RELN: variants seen among roughly 807,000 people sequenced by gnomAD.
The protein encoded by RELN is reelin.
RELN carries 108 observed loss-of-function variants against 427.6 expected under a neutral mutation model. That is an observed-to-expected ratio of 0.25 (90% confidence interval 0.22 to 0.30). RELN has a LOEUF of 0.30. Among genes scored for constraint, RELN ranks in the 10% least tolerant of loss-of-function variants. RELN has a pLI of 1.00. For synonymous variants in RELN, 1,524 were observed against 1,513.4 expected (o/e 1.01, Z -0.16); for missense variants, 3,715 against 4,302.8 (o/e 0.86, Z 3.82).
intron 9 of RELN, among the ~76,000 whole-genome samples, chr7:103,699,588 A>G (rs1834049276): frequency 2.0e-5 from 3 of 152,254 alleles, no homozygotes; most frequent in East Asian, 1.9e-4. Context: ...CATCATATCA[A>G]AAACATGTAG....
chr7:103,489,655 C>T (rs1033797334), intron 60 of RELN, 87 bp downstream of exon 60: 21 of 1,472,048 alleles, frequency 1.4e-5, no homozygotes, highest in African/African-American at 1.3e-4. Flanking sequence ...AGTTTCTATC[C>T]ATTTCCTAGT....
chr7:103,696,569 G>C (rs1365031867), intron 10 of RELN, among the ~76,000 whole-genome samples: 2 of 152,070 alleles, frequency 1.3e-5, no homozygotes, highest in Non-Finnish European at 1.5e-5. Flanking sequence ...CCTTGTCCCT[G>C]ACATCTATCA....
At chr7:103,796,474 G>A (rs571468563) in intron 3 of RELN, among the ~76,000 whole-genome samples, 1 of 152,138 alleles carries the variant, frequency 6.6e-6, no homozygotes, top group Non-Finnish European at 1.5e-5. Flanking sequence ...ATTTGTTGTA[G>A]TGAGAAGAAT....
intron 46 of RELN, among the ~76,000 whole-genome samples, chr7:103,525,555 TA>T (rs1829804782): frequency 6.6e-6 from 1 of 152,208 alleles, no homozygotes; most frequent in South Asian, 2.1e-4. Flanking sequence ...GCTGATAAAT[TA>T]TTTTTAATGA....
chr7:103,695,306 T>G (rs1833954822), intron 10 of RELN, among the ~76,000 whole-genome samples: 1 of 152,182 alleles, frequency 6.6e-6, no homozygotes, highest in South Asian at 2.1e-4. Context: ...TGAATGCATT[T>G]ATTTGAAGTT....
At chr7:103,822,602 A>G (rs1369946061) in intron 3 of RELN, among the ~76,000 whole-genome samples, 2 of 152,068 alleles carry the variant, frequency 1.3e-5, no homozygotes, top group Non-Finnish European at 2.9e-5. Flanking sequence ...TCATTCATCT[A>G]TTCAACAACC....
chr7:103,988,591 CTGAA>C lies in RELN; in HGVS notation c.226+536_226+539del, dbSNP rs1797150449. Among the ~76,000 whole-genome samples, 1 of 152,178 alleles carries C rather than the reference CTGAA, an allele frequency of 6.6e-6. No homozygotes were observed. The highest frequency in any genetic ancestry group is 2.1e-4 in the South Asian group (1 of 4,830). On this transcript the variant is annotated intron_variant, in intron 1 of 64. Coordinates refer to ENST00000428762, the MANE Select transcript of RELN (RefSeq NM_005045.4). The surrounding 1 kb of genome is among the most constrained non-coding windows in gnomAD (Gnocchi z 4.9). Reference sequence around the variant, plus strand: ...TCCCTTTCAGGAGGGCTGTATGACACTGAATGAAATGCCAGGGACTCCTGGCTGG... The same window carrying C: ...TCCCTTTCAGGAGGGCTGTATGACACTGAAATGCCAGGGACTCCTGGCTGG...
chr7:103,846,318 C>A (rs1793676180), intron 2 of RELN, among the ~76,000 whole-genome samples: 1 of 151,938 alleles, frequency 6.6e-6, no homozygotes, highest in Non-Finnish European at 1.5e-5. Flanking sequence ...CTGACAGAAA[C>A]AATGGGGAAA....
chr7:103,984,403 G>T (rs150391158), intron 1 of RELN, among the ~76,000 whole-genome samples: 2,356 of 152,120 alleles, frequency 0.015, 49 homozygotes, highest in African/African-American at 0.054. Flanking sequence ...TTAAAACAAA[G>T]ATTCACACAA....
intron 11 of RELN, among the ~76,000 whole-genome samples, chr7:103,663,438 CT>C (rs1833188136): frequency 6.6e-6 from 1 of 152,166 alleles, no homozygotes; most frequent in Non-Finnish European, 1.5e-5. Flanking sequence ...CCTGTCCTCA[CT>C]TTCCTCTGCT....
chr7:103,937,773 TA>T, intron 1 of RELN, among the ~76,000 whole-genome samples: 1 of 152,298 alleles, frequency 6.6e-6, no homozygotes, highest in African/African-American at 2.4e-5. Flanking sequence ...ACAAATATGT[TA>T]AAATGGTCTC....
chr7:103,559,823 A>C (rs1830604051), intron 36 of RELN, among the ~76,000 whole-genome samples: 1 of 152,226 alleles, frequency 6.6e-6, no homozygotes, highest in Non-Finnish European at 1.5e-5. Flanking sequence ...GTAATGAAAA[A>C]GCTTTGAGAT....
intron 11 of RELN, among the ~76,000 whole-genome samples, chr7:103,676,245 T>A (rs1302581655): frequency 5.5e-4 from 84 of 152,218 alleles, no homozygotes; most frequent in African/African-American, 2.0e-3. Context: ...GAACAGACAC[T>A]TCTCAAAAGA....
At chr7:103,725,750 G>A (rs569788789) in intron 7 of RELN, among the ~76,000 whole-genome samples, 2 of 152,130 alleles carry the variant, frequency 1.3e-5, no homozygotes, top group South Asian at 2.1e-4. Context: ...CTGAAATACA[G>A]AGACTTCACT....
intron 6 of RELN, among the ~76,000 whole-genome samples, chr7:103,731,655 C>A (rs1360682856): frequency 2.6e-5 from 4 of 151,950 alleles, no homozygotes; most frequent in Non-Finnish European, 5.9e-5. Flanking sequence ...ATTACTATAG[C>A]AAATTATGGG....
intron 34 of RELN, among the ~76,000 whole-genome samples, 180 bp from the exon 35 acceptor site, chr7:103,562,133 C>T (rs918231101): frequency 6.6e-6 from 1 of 152,150 alleles, no homozygotes; most frequent in Non-Finnish European, 1.5e-5. Flanking sequence ...TTTCTCTTGA[C>T]TCATAAACAG....
At chr7:103,670,509 T>G (rs1833367999) in intron 11 of RELN, among the ~76,000 whole-genome samples, 1 of 149,062 alleles carries the variant, frequency 6.7e-6, no homozygotes. Flanking sequence ...TGAAGTATAA[T>G]ATGCAAAATG....
Position 103,682,361 on chromosome 7 carries a change from T to G in RELN, c.1144-100A>C, listed in dbSNP as rs1028659463. The G allele has an allele frequency of 3.3e-6, 4 of 1,229,392 alleles. No homozygotes were observed. The African/African-American group carries it at 5.9e-5, about 18-fold the overall frequency. The allele number at this position is 1,229,392 out of a possible 1,614,324, so 76.2% of individuals were successfully genotyped here. On this transcript the variant is annotated intron_variant, in intron 10 of 64. Transcript: ENST00000428762. ...TAGAGTTTTTAGAAAAGTTATTATA[T>G]TAGCTCCTCTATGATGGACTCTCAA...
At chr7:103,816,247 C>T (rs1792866687) in intron 3 of RELN, among the ~76,000 whole-genome samples, 1 of 152,024 alleles carries the variant, frequency 6.6e-6, no homozygotes, top group African/African-American at 2.4e-5. Flanking sequence ...GGCATGCTGG[C>T]ACACACCTGT....
Sources: gnomAD v4.1 joint callset for allele counts (sites outside exome capture counted in the v4.1 genomes callset) on GRCh38, gnomAD v4.1.1 for gene constraint, Gnocchi (gnomAD v3.1) non-coding constraint, MANE v1.5 for transcripts, NCBI Gene and HGNC (gene_info 2026-07-23, HGNC 2026-07-21) for gene names.